The following TSPAN8 variants were observed in gnomAD, a reference collection of about 807,000 sequenced individuals.
The protein encoded by TSPAN8 is tetraspanin-8.
In TSPAN8, 21 loss-of-function variants were observed where a neutral mutation model predicts 32.8. The observed-to-expected ratio is 0.64, with a 90% confidence interval of 0.45 to 0.92. The LOEUF (loss-of-function observed/expected upper bound fraction) is 0.92, where lower values mean the gene tolerates loss of function less well. TSPAN8 is among the 40% of genes least tolerant of loss of function. TSPAN8 has a pLI of 0.00. For synonymous variants in TSPAN8, 95 were observed against 94.6 expected (o/e 1.00, Z -0.03); for missense variants, 269 against 281.9 (o/e 0.95, Z 0.33).
At chr12:71,140,083 G>GT (rs200203671) in intron 3 of TSPAN8, among the ~76,000 whole-genome samples, 1,669 of 146,062 alleles carry the variant, frequency 0.011, 45 homozygotes, top group South Asian at 0.1. Context: ...AATGTAATAG[G>GT]TTTTTTTAAA....
intron 6 of TSPAN8, among the ~76,000 whole-genome samples, chr12:71,137,048 A>G (rs1378396504): frequency 2.0e-5 from 3 of 152,118 alleles, no homozygotes; most frequent in Non-Finnish European, 2.9e-5. Flanking sequence ...AGGCAGGAGG[A>G]TCACTTGAGG....
chr12:71,144,256 C>A (rs191460960), intron 2 of TSPAN8, 43 bp from the exon 3 acceptor site: 25 of 1,569,454 alleles, frequency 1.6e-5, no homozygotes, highest in Admixed American at 6.9e-5. Context: ...CAATTAGGAT[C>A]ATATGAAACT....
intron 6 of TSPAN8, among the ~76,000 whole-genome samples, chr12:71,136,550 C>G (rs1391499863): frequency 6.6e-6 from 1 of 152,090 alleles, no homozygotes; most frequent in East Asian, 1.9e-4. Flanking sequence ...GATGCAAAGG[C>G]AGGAAGGCAG....
rs778361878 is a variant in TSPAN8 at position 71,138,232 on chromosome 12, TGAA to T, written c.262-5_262-3del. 5.0e-6 allele frequency: 8 copies of T among 1,612,984 alleles called. No individual in the cohort carries two copies. Among genetic ancestry groups the T allele is most frequent in the South Asian group, 4.4e-5 (4 of 91,040 alleles). ...GATCAGAAGCAAGCCTATGAAAAAC[TGAA>T]GAAGAGAAAAAGAAATATACATTAT... On this transcript the variant is annotated splice_region_variant and splice_polypyrimidine_tract_variant and intron_variant, in intron 4 of 8. Coordinates refer to ENST00000247829, the MANE Select transcript of TSPAN8 (RefSeq NM_004616.3).
At chr12:71,136,900 T>C (rs1871714647) in intron 6 of TSPAN8, among the ~76,000 whole-genome samples, 1 of 152,194 alleles carries the variant, frequency 6.6e-6, no homozygotes, top group African/African-American at 2.4e-5. Flanking sequence ...CTACTGGATA[T>C]AACACCTGCT....
At chr12:71,126,959 C>T (rs1871368248) in intron 8 of TSPAN8, among the ~76,000 whole-genome samples, 2 of 151,900 alleles carry the variant, frequency 1.3e-5, no homozygotes. Flanking sequence ...GAGAAGAATC[C>T]CTTAGGTATA....
intron 2 of TSPAN8, among the ~76,000 whole-genome samples, chr12:71,146,327 T>A (rs1317550015): frequency 6.6e-6 from 1 of 152,198 alleles, no homozygotes; most frequent in Non-Finnish European, 1.5e-5. Context: ...AATTCCCATG[T>A]AAATATCAGT....
Position 71,133,771 on chromosome 12 carries a change from A to G in TSPAN8, c.445-947T>C, listed in dbSNP as rs577858387. Among the ~76,000 whole-genome samples the G allele has an allele frequency of 2.0e-5, 3 of 152,336 alleles. No homozygotes were observed. In the East Asian group the frequency reaches 5.8e-4, roughly 29 times the overall value. On this transcript the variant is annotated intron_variant, in intron 6 of 8. Transcript: ENST00000247829. Reference sequence around the variant, plus strand: ...CAGCCACATTTGAGGAAGAAAAACAAGGAAATGATAACCCCAAGAATCAGG... The same window carrying G: ...CAGCCACATTTGAGGAAGAAAAACAGGGAAATGATAACCCCAAGAATCAGG...
At chr12:71,144,346 A>C (rs1351152861) in intron 2 of TSPAN8, 133 bp from the exon 3 acceptor site, 2 of 676,308 alleles carry the variant, frequency 3.0e-6, no homozygotes, top group East Asian at 5.5e-5. Flanking sequence ...GACATAAATG[A>C]GGCATATTCA....
At chr12:71,149,088 G>A (rs939183332) in intron 2 of TSPAN8, among the ~76,000 whole-genome samples, 1 of 152,146 alleles carries the variant, frequency 6.6e-6, no homozygotes, top group Admixed American at 6.5e-5. Flanking sequence ...TGAAAAAGAT[G>A]AGACCAATTC....
At chr12:71,139,022 G>A in intron 4 of TSPAN8, 1 of 431,892 alleles carries the variant, frequency 2.3e-6, no homozygotes, top group Non-Finnish European at 4.7e-6. Context: ...AAAAGTGAAT[G>A]CCTGTGAATT....
Position 71,144,350 on chromosome 12 carries a change from A to C in TSPAN8, c.61-137T>G, listed in dbSNP as rs1872004874. ...ACAACCTGGAAGACATAAATGAGGC[A>C]TATTCATATACAGATCATTGTTGAA... On this transcript the variant is annotated intron_variant, in intron 2 of 8. Transcript: ENST00000247829. 3 of 658,032 alleles carry C rather than the reference A, an allele frequency of 4.6e-6. No individual in the cohort carries two copies. The African/African-American group carries it at 5.4e-5, about 12-fold the overall frequency. 40.8% of individuals were successfully genotyped at this position (658,032 alleles called of 1,614,324 possible). A position where few individuals can be genotyped will look rare whatever the true frequency, so the allele number is the denominator to read the frequency against.
In TSPAN8 at chr12:71,137,955, C is replaced by T; in HGVS notation, c.442G>A (p.Glu148Lys). The T allele has an allele frequency of 6.2e-7, 1 of 1,611,592 alleles. No homozygotes were observed. Among genetic ancestry groups the T allele is most frequent in the Non-Finnish European group, 8.5e-7 (1 of 1,179,216 alleles). ...FQEAIIVFQE[E>K]FKCCGLVNGA... ...AATGAACAATGAATTCTAATTACCT[C>T]TTCTTGAAACACAATTATGGCTTCC... The change falls in exon 6 of 9, where the codon GAG (glutamate) becomes AAG (lysine). Residue 148 changes from glutamate (E) to lysine (K), a missense_variant and splice_region_variant. Coordinates refer to ENST00000247829, the MANE Select transcript of TSPAN8 (RefSeq NM_004616.3).
chr12:71,136,858 C>A (rs1030013421), intron 6 of TSPAN8, among the ~76,000 whole-genome samples: 8 of 152,162 alleles, frequency 5.3e-5, no homozygotes, highest in Non-Finnish European at 7.3e-5. Context: ...TGATATTACC[C>A]ATCCACAGGG....
intron 6 of TSPAN8, among the ~76,000 whole-genome samples, chr12:71,135,014 G>A (rs1045949650): frequency 6.6e-6 from 1 of 152,168 alleles, no homozygotes; most frequent in Non-Finnish European, 1.5e-5. Context: ...CATTCCATCA[G>A]TATGTTAACA....
At chr12:71,155,040 T>C (rs1228519660) in intron 2 of TSPAN8, among the ~76,000 whole-genome samples, 1 of 152,242 alleles carries the variant, frequency 6.6e-6, no homozygotes, top group Non-Finnish European at 1.5e-5. Flanking sequence ...CACTGTTGGA[T>C]AATATTAGTA....
At chr12:71,132,040 T>G (rs1483811293) in intron 7 of TSPAN8, among the ~76,000 whole-genome samples, 1 of 152,168 alleles carries the variant, frequency 6.6e-6, no homozygotes, top group Non-Finnish European at 1.5e-5. Flanking sequence ...AACTGATCAA[T>G]AAGAAGAACT....
At chr12:71,133,868 A>T (rs1253346910) in intron 6 of TSPAN8, among the ~76,000 whole-genome samples, 1 of 152,154 alleles carries the variant, frequency 6.6e-6, no homozygotes, top group Non-Finnish European at 1.5e-5. Context: ...CCATCTGCTC[A>T]ATTAAGGGGA....
rs530020315 is a variant in TSPAN8, at chr12:71,147,599, C to A, written c.61-3386G>T. Reference sequence around the variant, plus strand: ...CAAGGATTCCGAAAGCCCTAACATACTAGGACTGTACTGCTGCTGCTACTG... The same window carrying A: ...CAAGGATTCCGAAAGCCCTAACATAATAGGACTGTACTGCTGCTGCTACTG... On this transcript the variant is annotated intron_variant, in intron 2 of 8. Transcript: ENST00000247829. Among the ~76,000 whole-genome samples the A allele has an allele frequency of 2.4e-4, 37 of 152,334 alleles. No homozygotes were observed. In the South Asian group the frequency reaches 7.0e-3, roughly 29 times the overall value.
Sources: gnomAD v4.1 joint callset for allele counts (sites outside exome capture counted in the v4.1 genomes callset) on GRCh38, gnomAD v4.1.1 for gene constraint, MANE v1.5 for transcripts, NCBI Gene and HGNC (gene_info 2026-07-23, HGNC 2026-07-21) for gene names.